The following SETBP1 variants were observed in gnomAD, a reference collection of about 807,000 sequenced individuals.
The protein encoded by SETBP1 is SET-binding protein.
A neutral mutation model predicts 101.0 loss-of-function variants in SETBP1; 9 were observed. The ratio of observed to expected loss-of-function variants is 0.09; its 90% CI spans 0.05 to 0.16. The LOEUF is 0.16. Ranked by LOEUF, SETBP1 falls within the 10% of genes least tolerant of loss-of-function variation. The pLI is 1.00. For synonymous variants in SETBP1, 818 were observed against 788.5 expected, an observed-to-expected ratio of 1.04 and a Z score of -0.63; for missense variants, 1,858 against 2,033.8, an observed-to-expected ratio of 0.91 and a Z score of 1.66.
intron 2 of SETBP1, among the ~76,000 whole-genome samples, chr18:44,850,112 T>C (rs2144579818): frequency 6.6e-6 from 1 of 152,308 alleles, no homozygotes; most frequent in African/African-American, 2.4e-5. Context: ...TGTCCAAAAG[T>C]TGGATCTGGA....
At chr18:44,811,473 C>A (rs1170310877) in intron 2 of SETBP1, among the ~76,000 whole-genome samples, 1 of 152,202 alleles carries the variant, frequency 6.6e-6, no homozygotes, top group Non-Finnish European at 1.5e-5. Flanking sequence ...TTTGTGCTGA[C>A]TGCGGTAAAG....
chr18:44,998,118 G>A (rs68066166), intron 4 of SETBP1, among the ~76,000 whole-genome samples: 43,038 of 152,112 alleles, frequency 0.28, 6,266 homozygotes, highest in East Asian at 0.49. Context: ...GTTCTTTGGG[G>A]CTTTTAATAA....
In SETBP1 at chr18:44,952,255, G is replaced by A. The variant is rs759901142; in HGVS notation, c.2915G>A (p.Arg972Gln). The change falls in exon 4 of 6, where the codon CGG becomes CAG. Residue 972 changes from arginine (R) to glutamine (Q), a missense_variant. Arg to Gln is a conservative substitution (Grantham distance 43). This residue lies in a region of SETBP1 where 255 missense variants were observed against 300.1 expected (regional missense o/e 0.85). Transcript: ENST00000649279. ...TKFQVFRISH[R>Q]SYTFYHENPY... is the part of the protein sequence containing the mutation. ...TTCCAAGTGTTCAGAATCTCCCACC[G>A]GAGTTACACCTTCTACCACGAGAAT... 5 of 1,613,898 alleles carry A rather than the reference G, an allele frequency of 3.1e-6. No individual in the cohort carries two copies. Among genetic ancestry groups the A allele is most frequent in the Admixed American group, 1.7e-5 (1 of 59,980 alleles).
chr18:45,006,168 G>T (rs2072721816), intron 4 of SETBP1, among the ~76,000 whole-genome samples: 1 of 151,840 alleles, frequency 6.6e-6, no homozygotes, highest in African/African-American at 2.4e-5. Context: ...TGGCCAGGAT[G>T]GTTTCAATCT....
At position 45,043,534 on chromosome 18, in the gene SETBP1, A is replaced by T. The variant is rs150793837; in HGVS notation, c.4171+4879A>T. On this transcript the variant is annotated intron_variant, in intron 5 of 5. Transcript: ENST00000649279. ...TTTGAGATAACAAGGAAGTAGAGTG[A>T]GCACAGCTCTTAGCTTCTATCTGTT... Among the ~76,000 whole-genome samples, 9 of 152,298 alleles carry T rather than the reference A, an allele frequency of 5.9e-5. No individual in the cohort carries two copies. In the East Asian group the frequency reaches 1.7e-3, roughly 29 times the overall value.
At chr18:44,708,088 C>T (rs549374190) in intron 2 of SETBP1, among the ~76,000 whole-genome samples, 1 of 152,248 alleles carries the variant, frequency 6.6e-6, no homozygotes, top group African/African-American at 2.4e-5. Context: ...TGAGGGGTGG[C>T]TTGCTTTGCC....
intron 4 of SETBP1, among the ~76,000 whole-genome samples, chr18:44,962,113 T>C (rs2071624642): frequency 6.6e-6 from 1 of 152,202 alleles, no homozygotes; most frequent in Admixed American, 6.5e-5. Flanking sequence ...TTAGCATTCG[T>C]AAAACAACCA....
At chr18:44,776,815 G>A (rs2071013675) in intron 2 of SETBP1, among the ~76,000 whole-genome samples, 1 of 152,250 alleles carries the variant, frequency 6.6e-6, no homozygotes, top group Admixed American at 6.5e-5. Context: ...ATGCTGATCA[G>A]TTAATAGAGG....
intron 4 of SETBP1, among the ~76,000 whole-genome samples, chr18:45,030,222 G>A (rs1162290110): frequency 9.5e-5 from 12 of 126,500 alleles, no homozygotes; most frequent in African/African-American, 1.5e-4. Context: ...TAGCATGAAG[G>A]GTTGTTGAAT....
In SETBP1 at chr18:44,702,013, C is replaced by T. The variant is rs182639727; in HGVS notation, c.486+181C>T. ...TTTGACTTCCCCCAAAACTTAACTA[C>T]TAATAGCTTACTGTTGACCGGAAGC... On this transcript the variant is annotated intron_variant, in intron 2 of 5. Coordinates refer to ENST00000649279, the MANE Select transcript of SETBP1 (RefSeq NM_015559.3). Among the ~76,000 whole-genome samples, 574 of 152,274 alleles carry T rather than the reference C, an allele frequency of 3.8e-3. 3 individuals are homozygous for T. The highest frequency in any genetic ancestry group is 6.6e-3 in the Non-Finnish European group (451 of 68,032).
At chr18:44,956,169 A>G (rs1167452844) in intron 4 of SETBP1, among the ~76,000 whole-genome samples, 1 of 152,096 alleles carries the variant, frequency 6.6e-6, no homozygotes, top group Non-Finnish European at 1.5e-5. Flanking sequence ...TTTCTTACTA[A>G]GACAGACCAG....
chr18:44,801,065 G>T (rs959896576), intron 2 of SETBP1, among the ~76,000 whole-genome samples: 1 of 152,104 alleles, frequency 6.6e-6, no homozygotes, highest in Non-Finnish European at 1.5e-5. Flanking sequence ...CTCACTCATA[G>T]GTGGGAATTG....
intron 2 of SETBP1, among the ~76,000 whole-genome samples, chr18:44,790,449 C>T (rs2071346459): frequency 1.3e-5 from 2 of 152,170 alleles, no homozygotes; most frequent in Admixed American, 6.5e-5. Context: ...GAGTTAAAAC[C>T]AGCCAGACCT....
intron 2 of SETBP1, among the ~76,000 whole-genome samples, chr18:44,726,462 C>T (rs2069708723): frequency 6.6e-6 from 1 of 152,200 alleles, no homozygotes; most frequent in Non-Finnish European, 1.5e-5. Flanking sequence ...TTACTGTTCT[C>T]ATTTTGCTGA....
intron 2 of SETBP1, among the ~76,000 whole-genome samples, chr18:44,806,039 C>T (rs2071725579): frequency 6.6e-6 from 1 of 152,084 alleles, no homozygotes; most frequent in Non-Finnish European, 1.5e-5. Context: ...ACCTTCTTTT[C>T]CTCTTTGCCT....
chr18:44,707,146 T>C lies in SETBP1; in HGVS notation c.486+5314T>C, dbSNP rs141864816. 6.2e-3 allele frequency among the ~76,000 whole-genome samples: 945 copies of C among 152,338 alleles called. 16 individuals carry two copies. Among genetic ancestry groups the C allele is most frequent in the Non-Finnish European group, 4.7e-3 (319 of 68,022 alleles). On this transcript the variant is annotated intron_variant, in intron 2 of 5. Transcript: ENST00000649279. Reference sequence around the variant, plus strand: ...GGGCGAGGTTTTCCTATGAAGCCAATTCTATTAGACTCCAAGCAAATGTGT... The same window carrying C: ...GGGCGAGGTTTTCCTATGAAGCCAACTCTATTAGACTCCAAGCAAATGTGT...
intron 5 of SETBP1, among the ~76,000 whole-genome samples, chr18:45,046,654 G>C (rs555822790): frequency 3.9e-4 from 60 of 152,334 alleles, no homozygotes; most frequent in Non-Finnish European, 6.5e-4. Context: ...GAGTGCATCA[G>C]CCTATGCAGT....
intron 2 of SETBP1, among the ~76,000 whole-genome samples, chr18:44,717,997 A>T (rs937094544): frequency 6.6e-5 from 10 of 152,176 alleles, no homozygotes; most frequent in African/African-American, 2.4e-4. Flanking sequence ...ATTATAAGAA[A>T]TGTAGCAACT....
intron 4 of SETBP1, among the ~76,000 whole-genome samples, chr18:45,030,580 G>A (rs1449333016): frequency 1.3e-5 from 2 of 150,062 alleles, no homozygotes; most frequent in Non-Finnish European, 3.0e-5. Flanking sequence ...AGTTTCAGAA[G>A]GAATGGTACT....
Sources: allele counts gnomAD v4.1 joint callset (sites outside exome capture counted in the v4.1 genomes callset), GRCh38; gene constraint gnomAD v4.1.1; regional missense constraint gnomAD v4.1.1; transcripts MANE v1.5; gene names NCBI Gene and HGNC (gene_info 2026-07-23, HGNC 2026-07-21).